Variants in ATE1 observed in about 807,000 individuals in gnomAD.
ATE1 encodes the protein arginyl-tRNA--protein transferase 1.
ATE1 carries 36 observed loss-of-function variants against 70.5 expected under a neutral mutation model. The observed-to-expected ratio is 0.51, with a 90% CI of 0.39 to 0.67. ATE1 has a LOEUF of 0.67. Among genes scored for constraint, ATE1 ranks in the 30% least tolerant of loss-of-function variants. The pLI is 0.00. For missense variants in ATE1, 593 were observed against 629.5 expected (o/e 0.94, Z 0.62); for synonymous variants, 232 against 219.3 (o/e 1.06, Z -0.51).
At chr10:121,871,272 A>G (rs1218379068) in intron 7 of ATE1, among the ~76,000 whole-genome samples, 3 of 152,148 alleles carry the variant, frequency 2.0e-5, no homozygotes, top group Admixed American at 6.5e-5. Flanking sequence ...GAGCCTGGCC[A>G]ACATGGTGAA....
chr10:121,841,317 A>T, intron 8 of ATE1, 54 bp from the exon 9 acceptor site: 1 of 1,154,608 alleles, frequency 8.7e-7, no homozygotes, highest in Non-Finnish European at 1.1e-6. Flanking sequence ...AAATAATCTT[A>T]TAATTAATAT....
intron 8 of ATE1, among the ~76,000 whole-genome samples, chr10:121,851,677 T>C (rs1362431499): frequency 6.6e-6 from 1 of 152,222 alleles, no homozygotes; most frequent in African/African-American, 2.4e-5. Context: ...CATTTCCTCA[T>C]ACATAAATCT....
At chr10:121,859,299 C>T (rs1387696514) in intron 8 of ATE1, among the ~76,000 whole-genome samples, 1 of 150,392 alleles carries the variant, frequency 6.6e-6, no homozygotes, top group Non-Finnish European at 1.5e-5. Flanking sequence ...GTCTGTCGCC[C>T]AGGCTGGAGT....
At chr10:121,882,086 G>A (rs985487320) in intron 7 of ATE1, among the ~76,000 whole-genome samples, 10 of 152,220 alleles carry the variant, frequency 6.6e-5, no homozygotes, top group Middle Eastern at 6.8e-3. Flanking sequence ...GTGAGCCACC[G>A]TGCCCGGCCT....
chr10:121,920,521 CA>C (rs201546841), intron 3 of ATE1, among the ~76,000 whole-genome samples: 69 of 132,582 alleles, frequency 5.2e-4, no homozygotes, highest in Non-Finnish European at 3.9e-4. Flanking sequence ...GACCCTGTCT[CA>C]AAAAAAAAAA....
chr10:121,835,893 T>C (rs966839789), intron 10 of ATE1, among the ~76,000 whole-genome samples: 1 of 152,140 alleles, frequency 6.6e-6, no homozygotes, highest in East Asian at 1.9e-4. Flanking sequence ...TAATGTGGCA[T>C]GTCTGAAAAC....
At chr10:121,859,756 A>T (rs1483211029) in intron 8 of ATE1, among the ~76,000 whole-genome samples, 1 of 151,900 alleles carries the variant, frequency 6.6e-6, no homozygotes, top group Non-Finnish European at 1.5e-5. Context: ...AACCTGGCCC[A>T]CATGGTGAAA....
intron 10 of ATE1, among the ~76,000 whole-genome samples, chr10:121,792,197 G>A (rs1430076809): frequency 6.6e-6 from 1 of 152,094 alleles, no homozygotes; most frequent in African/African-American, 2.4e-5. Flanking sequence ...TAAAGGGAAC[G>A]GCATAAACAA....
intron 5 of ATE1, 49 bp from the exon 6 acceptor site, chr10:121,902,669 A>C: frequency 6.6e-7 from 1 of 1,521,496 alleles, no homozygotes. Flanking sequence ...GTTCTAGAAA[A>C]GTTTTTTCAC....
chr10:121,908,033 T>C (rs1009764302), intron 5 of ATE1, among the ~76,000 whole-genome samples: 34 of 152,154 alleles, frequency 2.2e-4, no homozygotes, highest in Non-Finnish European at 4.3e-4. Flanking sequence ...TGTCAAAGAC[T>C]ACCAGGATTA....
chr10:121,761,752 TC>T (rs1564816061), intron 11 of ATE1, among the ~76,000 whole-genome samples: 1 of 152,162 alleles, frequency 6.6e-6, no homozygotes, highest in African/African-American at 2.4e-5. Context: ...TAGAAATCCA[TC>T]CTCTTCCCCA....
At chr10:121,765,725 G>A (rs1019587661) in intron 11 of ATE1, among the ~76,000 whole-genome samples, 1 of 152,184 alleles carries the variant, frequency 6.6e-6, no homozygotes, top group African/African-American at 2.4e-5. Context: ...AAATTAGACA[G>A]AATGACACTC....
Position 121,791,337 on chromosome 10 carries a change from G to A in ATE1, c.1258-1048C>T, listed in dbSNP as rs932634872. On this transcript the variant is annotated intron_variant, in intron 10 of 11. Transcript: ENST00000224652. The stretch of plus-strand genomic sequence containing the variant: ...TCAAACTCCTGACCTCAGGTGATCC[G>A]CCCACCTCAGCCTCCCAAAGTGCTG... 6.6e-5 allele frequency among the ~76,000 whole-genome samples: 10 copies of A among 151,716 alleles called. 1 individual carries two copies. The South Asian group carries it at 8.4e-4, about 13-fold the overall frequency.
chr10:121,756,848 T>G (rs1210632730), intron 11 of ATE1, among the ~76,000 whole-genome samples: 1 of 152,200 alleles, frequency 6.6e-6, no homozygotes, highest in African/African-American at 2.4e-5. Context: ...GGGGCTGCCA[T>G]GAAGACCTCT....
chr10:121,874,443 A>G (rs866483634), intron 7 of ATE1, among the ~76,000 whole-genome samples: 5 of 152,242 alleles, frequency 3.3e-5, no homozygotes, highest in South Asian at 4.1e-4. Flanking sequence ...CAAAGCAGCC[A>G]AAAGACACAG....
intron 10 of ATE1, among the ~76,000 whole-genome samples, chr10:121,830,894 T>A (rs1395898891): frequency 2.6e-5 from 4 of 152,116 alleles, no homozygotes; most frequent in African/African-American, 9.7e-5. Context: ...TTGGAAAAAA[T>A]TTAAAGTTTT....
chr10:121,815,773 A>G (rs1262354911), intron 10 of ATE1, among the ~76,000 whole-genome samples: 1 of 152,220 alleles, frequency 6.6e-6, no homozygotes, highest in Non-Finnish European at 1.5e-5. Context: ...AATGCCCTAC[A>G]GACTTCGACA....
intron 11 of ATE1, among the ~76,000 whole-genome samples, chr10:121,754,584 A>G (rs1357134089): frequency 6.6e-6 from 1 of 152,248 alleles, no homozygotes; most frequent in African/African-American, 2.4e-5. Flanking sequence ...GCCAACTAAT[A>G]AAAGTAGAAG....
At position 121,870,152 on chromosome 10, in the gene ATE1, A is replaced by G; in HGVS notation, c.943-114T>C. 3 of 972,662 alleles carry G rather than the reference A, an allele frequency of 3.1e-6. 1 individual carries two copies. In the South Asian group the frequency reaches 4.7e-5, roughly 15 times the overall value. 60.3% of individuals were successfully genotyped at this position (972,662 alleles called of 1,614,324 possible). A position where few individuals can be genotyped will look rare whatever the true frequency, so the allele number is the denominator to read the frequency against. Reference sequence around the variant, plus strand: ...TTTCCAGTAAATCCACTTAAAGTGAACCCAAAGATTATAGAAAATTAATGT... The same window carrying G: ...TTTCCAGTAAATCCACTTAAAGTGAGCCCAAAGATTATAGAAAATTAATGT... On this transcript the variant is annotated intron_variant, in intron 7 of 11. Transcript: ENST00000224652.
Sources: allele counts gnomAD v4.1 joint callset (sites outside exome capture counted in the v4.1 genomes callset), GRCh38; gene constraint gnomAD v4.1.1; transcripts MANE v1.5; gene names NCBI Gene and HGNC (gene_info 2026-07-23, HGNC 2026-07-21).